Variants in ZNF175 observed in about 807,000 individuals in gnomAD.
The protein encoded by ZNF175 is zinc finger protein OTK18.
Under a neutral mutation model 14.0 loss-of-function variants are expected in ZNF175, and 8 were observed. That is an observed-to-expected ratio of 0.57 (90% confidence interval 0.34 to 1.03). ZNF175 has a LOEUF of 1.03. ZNF175 is among the 50% of genes least tolerant of loss of function. ZNF175 has a pLI of 0.03. For synonymous variants in ZNF175, 255 were observed against 296.8 expected (o/e 0.86, Z 1.45); for missense variants, 764 against 849.5 (o/e 0.90, Z 1.25).
intron 4 of ZNF175, among the ~76,000 whole-genome samples, chr19:51,584,018 G>C (rs1982093117): frequency 6.6e-6 from 1 of 152,202 alleles, no homozygotes. Flanking sequence ...ATATTTCACA[G>C]TATTTTAAAA....
chr19:51,582,579 G>A (rs1982044829), intron 4 of ZNF175, among the ~76,000 whole-genome samples: 1 of 152,176 alleles, frequency 6.6e-6, no homozygotes. Flanking sequence ...TTATAGGCGT[G>A]AGCCACCGCA....
In ZNF175 at chr19:51,573,010, C is replaced by A. The variant is rs1218065378; in HGVS notation, c.-180-140C>A. ...GTCCAGACTCAGTCTTTATTTTTAACCCTGACTAATAACTAGAGTTGGGCT... is the reference window on the plus strand; with the variant it reads ...GTCCAGACTCAGTCTTTATTTTTAAACCTGACTAATAACTAGAGTTGGGCT... On this transcript the variant is annotated intron_variant, in intron 1 of 4. Coordinates refer to ENST00000262259, the MANE Select transcript of ZNF175 (RefSeq NM_007147.4). 9.7e-6 allele frequency: 3 copies of A among 307,804 alleles called. No individual in the cohort carries two copies. In the East Asian group the frequency reaches 2.2e-4, roughly 22 times the overall value. The allele number at this position is 307,804 out of a possible 1,614,324, so 19.1% of individuals were successfully genotyped here.
intron 1 of ZNF175, among the ~76,000 whole-genome samples, chr19:51,571,843 G>GT (rs1981596617): frequency 6.6e-6 from 1 of 152,206 alleles, no homozygotes; most frequent in South Asian, 2.1e-4. Context: ...GGATCACACT[G>GT]TAACACTCTC....
chr19:51,583,241 A>G (rs1387257248), intron 4 of ZNF175, among the ~76,000 whole-genome samples: 3 of 152,186 alleles, frequency 2.0e-5, no homozygotes, highest in Non-Finnish European at 4.4e-5. Context: ...AATGATTTAT[A>G]TATCAGTACC....
Position 51,587,682 on chromosome 19 carries a change from G to A in ZNF175, c.1351G>A (p.Glu451Lys), listed in dbSNP as rs144001773. 190 of 1,614,018 alleles carry A rather than the reference G, an allele frequency of 1.2e-4. No individual in the cohort carries two copies. The highest frequency in any genetic ancestry group is 3.2e-4 in the Admixed American group (19 of 60,018). Residue 451 changes from glutamate (E) to lysine (K), a missense_variant, in exon 5 of 5, where the codon GAA (glutamate) becomes AAA (lysine). Physicochemically the swap from Glu to Lys is moderately conservative, Grantham distance 56 (BLOSUM62 1). Coordinates refer to ENST00000262259, the MANE Select transcript of ZNF175 (RefSeq NM_007147.4). ...AGGGCAGAAGTCCTATGTGTGTATC[G>A]AATGCGGGCAGGCCTTCATCCAGAA... ...HSGQKSYVCI[E>K]CGQAFIQKAH...
At position 51,588,530 on chromosome 19, in the gene ZNF175, ATCT is replaced by A. The variant is rs1439814626; in HGVS notation, c.*67_*69del. The A allele has an allele frequency of 5.4e-6, 8 of 1,472,586 alleles. No homozygotes were observed. The South Asian group carries it at 5.6e-5, about 10-fold the overall frequency. 91.2% of individuals were successfully genotyped at this position (1,472,586 alleles called of 1,614,324 possible). A position where few individuals can be genotyped will look rare whatever the true frequency, so the allele number is the denominator to read the frequency against. On this transcript the variant is annotated 3_prime_UTR_variant, in exon 5 of 5. Coordinates refer to ENST00000262259, the MANE Select transcript of ZNF175 (RefSeq NM_007147.4). ...CTCCGAGTTTCTTGAAGAAGAGAAA[ATCT>A]TCTCAGAATCAGGTCTAATTATATG...
rs1982371973 is a variant in ZNF175 at position 51,592,102 on chromosome 19, T to C, written c.*3635T>C. ...TGAAGAATGTCCTACTGTCATGTGA[T>C]GTGATCAGAAAACATACTGCCCAGA... On this transcript the variant is annotated 3_prime_UTR_variant, in exon 5 of 5. Transcript: ENST00000262259. 1 of 154,206 alleles carries C rather than the reference T, an allele frequency of 6.5e-6. No homozygotes were observed. The allele number at this position is 154,206 out of a possible 1,614,324, so 9.6% of individuals were successfully genotyped here.
rs1293311012 is a variant in ZNF175 at position 51,587,647 on chromosome 19, G to T, written c.1316G>T (p.Arg439Ile). 1 of 1,614,080 alleles carries T rather than the reference G, an allele frequency of 6.2e-7. No homozygotes were observed. The highest frequency in any genetic ancestry group is 1.7e-5 in the Admixed American group (1 of 60,018). ...AAGTCAACACTCAGCTTGCACCAGA[G>T]AATCCACTCAGGGCAGAAGTCCTAT... is the stretch of plus-strand genomic sequence containing the variant. ...TQKSTLSLHQ[R>I]IHSGQKSYVC... Residue 439 changes from arginine (R) to isoleucine (I), a missense_variant, in exon 5 of 5, where the codon AGA becomes ATA. Coordinates refer to ENST00000262259, the MANE Select transcript of ZNF175 (RefSeq NM_007147.4).
At chr19:51,571,997 T>C (rs1050823917) in intron 1 of ZNF175, among the ~76,000 whole-genome samples, 2 of 152,138 alleles carry the variant, frequency 1.3e-5, no homozygotes, top group Non-Finnish European at 2.9e-5. Context: ...GCAGTGAGTG[T>C]TGGGGTCCTT....
In ZNF175 at chr19:51,588,149, A is replaced by C. The variant is rs1479969632; in HGVS notation, c.1818A>C (p.Gln606His). 6.2e-7 allele frequency: 1 copy of C among 1,614,144 alleles called. No individual in the cohort carries two copies. The highest frequency in any genetic ancestry group is 8.5e-7 in the Non-Finnish European group (1 of 1,180,008). ...FNGRSNFHKH[Q>H]ITHTRERPFV... ...GCAGGTCAAATTTCCATAAACATCA[A>C]ATAACTCACACTAGAGAGAGGCCTT... The change falls in exon 5 of 5, where the codon CAA (glutamine) becomes CAC (histidine). Residue 606 changes from glutamine (Q) to histidine (H), a missense_variant. Physicochemically the swap from Gln to His is conservative, Grantham distance 24 (BLOSUM62 0). Coordinates refer to ENST00000262259, the MANE Select transcript of ZNF175 (RefSeq NM_007147.4).
Position 51,577,810 on chromosome 19 carries a change from C to T in ZNF175, c.73-3581C>T, listed in dbSNP as rs556008298. ...TCCCGAGTAGCTGGGACTAAAGGCG[C>T]CCGCCACCACACCAAGCTAATTTTT... On this transcript the variant is annotated intron_variant, in intron 2 of 4. Transcript: ENST00000262259. Among the ~76,000 whole-genome samples the T allele has an allele frequency of 2.6e-4, 40 of 151,868 alleles. 1 individual carries two copies. The East Asian group carries it at 5.7e-3, about 22-fold the overall frequency.
chr19:51,585,689 C>G (rs1039879033), intron 4 of ZNF175, among the ~76,000 whole-genome samples: 1 of 151,888 alleles, frequency 6.6e-6, no homozygotes, highest in African/African-American at 2.4e-5. Context: ...TATTGAGAAC[C>G]TGCTGTGTTT....
At position 51,581,874 on chromosome 19, in the gene ZNF175, G is replaced by A. The variant is rs373782648; in HGVS notation, c.287G>A (p.Arg96Lys). ...GAGGAGGCTGAAGTCTCACATCAGA[G>A]GTGTCAAGGTGAGTAAGTTGTACCC... Reference protein sequence around the residue: ...RVEEAEVSHQRCQEREFGLEI... With the variant: ...RVEEAEVSHQKCQEREFGLEI... The change falls in exon 4 of 5, where the codon AGG becomes AAG. Residue 96 changes from arginine to lysine, a missense_variant. Arg to Lys is a conservative substitution (Grantham distance 26). Coordinates refer to ENST00000262259, the MANE Select transcript of ZNF175 (RefSeq NM_007147.4). 1.9e-6 allele frequency: 3 copies of A among 1,613,470 alleles called. No homozygotes were observed. The African/African-American group carries it at 4.0e-5, about 22-fold the overall frequency.
chr19:51,574,690 A>T (rs1568572461), intron 2 of ZNF175, among the ~76,000 whole-genome samples: 1 of 152,264 alleles, frequency 6.6e-6, no homozygotes, highest in South Asian at 2.1e-4. Flanking sequence ...AGTTTAAAAC[A>T]TGAAATTGTC....
At position 51,588,585 on chromosome 19, in the gene ZNF175, T is replaced by C; in HGVS notation, c.*118T>C. ...TATTGAATTCATGCTTCAGAAAAAC[T>C]CTAGGGATGCACTGCATGTGTGAAC... On this transcript the variant is annotated 3_prime_UTR_variant, in exon 5 of 5. Coordinates refer to ENST00000262259, the MANE Select transcript of ZNF175 (RefSeq NM_007147.4). 1 of 1,185,598 alleles carries C rather than the reference T, an allele frequency of 8.4e-7. No homozygotes were observed. Among genetic ancestry groups the C allele is most frequent in the Non-Finnish European group, 1.1e-6 (1 of 877,528 alleles). 73.4% of individuals were successfully genotyped at this position (1,185,598 alleles called of 1,614,324 possible).
rs185449250 is a variant in ZNF175, at chr19:51,573,195, G to T, written c.-135G>T. On this transcript the variant is annotated 5_prime_UTR_variant, in exon 2 of 5. Coordinates refer to ENST00000262259, the MANE Select transcript of ZNF175 (RefSeq NM_007147.4). Reference sequence around the variant, plus strand: ...TCAGGCCACATCATTGAGGCTGCAGGATCTCTCTTCATAGCCCAGTACGAC... The same window carrying T: ...TCAGGCCACATCATTGAGGCTGCAGTATCTCTCTTCATAGCCCAGTACGAC... 6 of 815,944 alleles carry T rather than the reference G, an allele frequency of 7.4e-6. No homozygotes were observed. The Admixed American group carries it at 9.1e-5, about 12-fold the overall frequency. 50.5% of individuals were successfully genotyped at this position (815,944 alleles called of 1,614,324 possible). A position where few individuals can be genotyped will look rare whatever the true frequency, so the allele number is the denominator to read the frequency against.
At position 51,587,245 on chromosome 19, in the gene ZNF175, A is replaced by C. The variant is rs200886111; in HGVS notation, c.914A>C (p.Asn305Thr). The C allele has an allele frequency of 2.0e-4, 330 of 1,614,050 alleles. No individual in the cohort carries two copies. The East Asian group carries it at 4.5e-3, about 22-fold the overall frequency. ...FAQQRIHSVGNLHECGKCGKA... is the reference protein window; with the variant it reads ...FAQQRIHSVGTLHECGKCGKA... Reference sequence around the variant, plus strand: ...CAACAGAGAATTCATAGTGTAGGAAACCTCCATGAATGTGGCAAATGTGGA... The same window carrying C: ...CAACAGAGAATTCATAGTGTAGGAACCCTCCATGAATGTGGCAAATGTGGA... Residue 305 changes from asparagine (N) to threonine (T), a missense_variant, in exon 5 of 5, where the codon AAC (asparagine) becomes ACC (threonine). Coordinates refer to ENST00000262259, the MANE Select transcript of ZNF175 (RefSeq NM_007147.4).
rs746378081 is a variant in ZNF175, at chr19:51,587,828, G to A, written c.1497G>A (p.Gly499=). 4.3e-6 allele frequency: 7 copies of A among 1,613,616 alleles called. No homozygotes were observed. In the African/African-American group the frequency reaches 6.7e-5, roughly 15 times the overall value. Residue 499 remains glycine, a synonymous_variant, in exon 5 of 5, where the codon GGG becomes GGA. Transcript: ENST00000262259. ...QLDIHHRIHT[G]EKPYECSDCG... is the part of the protein sequence containing the mutation. ...ATATACATCATCGAATTCATACAGG[G>A]GAGAAACCTTATGAATGCAGTGACT... is the stretch of plus-strand genomic sequence containing the variant.
At chr19:51,584,817 TA>T (rs1401927406) in intron 4 of ZNF175, among the ~76,000 whole-genome samples, 1 of 151,986 alleles carries the variant, frequency 6.6e-6, no homozygotes, top group South Asian at 2.1e-4. Flanking sequence ...TGGCTACAAT[TA>T]AAAAAACAGA....
Sources: gnomAD v4.1 joint callset for allele counts (sites outside exome capture counted in the v4.1 genomes callset) on GRCh38, gnomAD v4.1.1 for gene constraint, MANE v1.5 for transcripts, NCBI Gene and HGNC (gene_info 2026-07-23, HGNC 2026-07-21) for gene names.